Variants in BRSK2 observed in about 807,000 individuals in gnomAD.
BRSK2 encodes the protein serine/threonine-protein kinase BRSK2.
Under a neutral mutation model 83.3 loss-of-function variants are expected in BRSK2, and 19 were observed. The ratio of observed to expected loss-of-function variants is 0.23; its 90% CI spans 0.16 to 0.33. The LOEUF (loss-of-function observed/expected upper bound fraction) is 0.33, where lower values mean the gene tolerates loss of function less well. BRSK2 is among the 10% of genes least tolerant of loss of function. The pLI, the probability that BRSK2 is intolerant of heterozygous loss-of-function variation, is 1.00. For synonymous variants in BRSK2, 519 were observed against 435.4 expected, an observed-to-expected ratio of 1.19 and a Z score of -2.39; for missense variants, 798 against 1,042.3, an observed-to-expected ratio of 0.77 and a Z score of 3.23.
intron 1 of BRSK2, chr11:1,411,159 G>C: frequency 8.2e-7 from 1 of 1,226,306 alleles, no homozygotes; most frequent in Non-Finnish European, 1.0e-6. Context: ...TCCAGTCTCA[G>C]GCTGGCTAGT....
In BRSK2 at chr11:1,390,599, ACGCGG is replaced by A. The variant is rs973640958; in HGVS notation, c.91+235_91+239del. ...GGTCGGCCGGGCGCGGCCCAAGGAC[ACGCGG>A]CGCGGCGCGGGGCGCGCAGGCGGAC... On this transcript the variant is annotated intron_variant, in intron 1 of 19. Coordinates refer to ENST00000528841, the MANE Select transcript of BRSK2 (RefSeq NM_001256627.2). The surrounding 1 kb of genome is among the most constrained non-coding windows in gnomAD (Gnocchi z 6.8). Among the ~76,000 whole-genome samples, 1 of 139,192 alleles carries A rather than the reference ACGCGG, an allele frequency of 7.2e-6. No individual in the cohort carries two copies. The highest frequency in any genetic ancestry group is 2.5e-5 in the African/African-American group (1 of 39,350). The allele number at this position is 139,192 out of a possible 152,430, so 91.3% of individuals were successfully genotyped here. A position where few individuals can be genotyped will look rare whatever the true frequency, so the allele number is the denominator to read the frequency against.
chr11:1,428,610 G>A (rs1849521987), intron 1 of BRSK2, among the ~76,000 whole-genome samples: 1 of 152,202 alleles, frequency 6.6e-6, no homozygotes, highest in Non-Finnish European at 1.5e-5. Context: ...CCAGGTGGTT[G>A]TCAGGCTCCC....
intron 14 of BRSK2, among the ~76,000 whole-genome samples, chr11:1,451,134 A>G (rs1381547787): frequency 6.6e-6 from 1 of 152,154 alleles, no homozygotes; most frequent in Non-Finnish European, 1.5e-5. Context: ...GCTGCTGGAG[A>G]AGGCACAGCC....
intron 16 of BRSK2, among the ~76,000 whole-genome samples, chr11:1,455,669 C>A (rs866957965): frequency 6.6e-6 from 1 of 152,204 alleles, no homozygotes. Context: ...TCCCCACAGG[C>A]TGCTCACTTC....
At position 1,395,071 on chromosome 11, in the gene BRSK2, C is replaced by T. The variant is rs529458813; in HGVS notation, c.91+4696C>T. Among the ~76,000 whole-genome samples the T allele has an allele frequency of 2.0e-5, 3 of 152,296 alleles. No homozygotes were observed. The East Asian group carries it at 5.8e-4, about 29-fold the overall frequency. ...AGACAGGACCCGGCAGCCTCCCCAG[C>T]CATGAAGGTGAAGGTGGACTCAGCG... On this transcript the variant is annotated intron_variant, in intron 1 of 19. Coordinates refer to ENST00000528841, the MANE Select transcript of BRSK2 (RefSeq NM_001256627.2).
At chr11:1,425,057 C>T (rs748357966) in intron 1 of BRSK2, among the ~76,000 whole-genome samples, 26 of 152,360 alleles carry the variant, frequency 1.7e-4, no homozygotes, top group Admixed American at 4.6e-4. Context: ...TCCTGCCAGG[C>T]GTGGGGACTC....
intron 1 of BRSK2, among the ~76,000 whole-genome samples, chr11:1,425,079 C>A (rs977081456): frequency 1.2e-4 from 19 of 152,264 alleles, no homozygotes; most frequent in Non-Finnish European, 2.4e-4. Flanking sequence ...GACCCTGGTC[C>A]TGAGTGCTGC....
At chr11:1,398,012 G>A (rs552978367) in intron 1 of BRSK2, among the ~76,000 whole-genome samples, 119 of 152,326 alleles carry the variant, frequency 7.8e-4, no homozygotes, top group African/African-American at 2.5e-3. Flanking sequence ...GCGCCTGGAC[G>A]GCTGCCTGCA....
intron 15 of BRSK2, among the ~76,000 whole-genome samples, chr11:1,453,541 C>T (rs151091133): frequency 0.012 from 1,853 of 152,292 alleles, 42 homozygotes; most frequent in African/African-American, 0.043. Flanking sequence ...AGACAGCCGC[C>T]GAGACCGGCA....
At chr11:1,414,099 G>A (rs4963078) in intron 1 of BRSK2, among the ~76,000 whole-genome samples, 107,554 of 152,234 alleles carry the variant, frequency 0.71, 38,558 homozygotes, top group Non-Finnish European at 0.76. Flanking sequence ...GGAAGAGTTT[G>A]CCTTCAAACA....
rs1040794590 is a variant in BRSK2 at position 1,460,888 on chromosome 11, C to G, written c.*165C>G. The G allele has an allele frequency of 6.3e-7, 1 of 1,599,686 alleles. No individual in the cohort carries two copies. The highest frequency in any genetic ancestry group is 1.3e-5 in the African/African-American group (1 of 74,674). On this transcript the variant is annotated 3_prime_UTR_variant, in exon 20 of 20. Coordinates refer to ENST00000528841, the MANE Select transcript of BRSK2 (RefSeq NM_001256627.2). ...CGTTGGGGCCGGCCTGTGGGCTGCG[C>G]CACCCGCGCCCGCTCTCTTTTCTCT...
chr11:1,404,388 G>T (rs1227823858), intron 1 of BRSK2, among the ~76,000 whole-genome samples: 1 of 152,194 alleles, frequency 6.6e-6, no homozygotes, highest in Non-Finnish European at 1.5e-5. Context: ...GTCCCAGCCA[G>T]CCCTCCGCCT....
In BRSK2 at chr11:1,460,033, T is replaced by A. The variant is rs557986179; in HGVS notation, c.1988-467T>A. Among the ~76,000 whole-genome samples the A allele has an allele frequency of 7.2e-5, 11 of 151,918 alleles. No homozygotes were observed. The South Asian group carries it at 2.3e-3, about 32-fold the overall frequency. ...TCAGAGCTCCCAGCAGGCCCTTGTC[T>A]TTACGCTGTCATCTCCGGCGTTGGG... On this transcript the variant is annotated intron_variant, in intron 19 of 19. Coordinates refer to ENST00000528841, the MANE Select transcript of BRSK2 (RefSeq NM_001256627.2).
chr11:1,449,000 G>A (rs1363794124), intron 12 of BRSK2, among the ~76,000 whole-genome samples: 80 of 152,318 alleles, frequency 5.3e-4, no homozygotes, highest in Non-Finnish European at 1.8e-4. Context: ...CGGCTGCCTC[G>A]GCCCCTCCCT....
chr11:1,451,188 G>C (rs1189229578), intron 14 of BRSK2, among the ~76,000 whole-genome samples, 183 bp from the exon 15 acceptor site: 1 of 152,182 alleles, frequency 6.6e-6, no homozygotes, highest in Admixed American at 6.5e-5. Context: ...TAGCCTGGGG[G>C]GCGCCACTGC....
At chr11:1,450,853 G>A (rs1845734194) in intron 14 of BRSK2, 59 bp downstream of exon 14, 1 of 1,480,180 alleles carries the variant, frequency 6.8e-7, no homozygotes, top group East Asian at 2.5e-5. Context: ...GCTGCCTTGG[G>A]GAGGGCCCCG....
chr11:1,392,068 G>A lies in BRSK2; in HGVS notation c.91+1693G>A, dbSNP rs141958184. Among the ~76,000 whole-genome samples the A allele has an allele frequency of 1.7e-3, 258 of 152,368 alleles. 2 individuals carry two copies. Among genetic ancestry groups the A allele is most frequent in the African/African-American group, 5.9e-3 (244 of 41,590 alleles). On this transcript the variant is annotated intron_variant, in intron 1 of 19. Transcript: ENST00000528841. ...CCTCTCTCCCGAGTTATGACGGGCA[G>A]AGCGCAAGCGTGTCACCGGGAGGGC... is the stretch of plus-strand genomic sequence containing the variant.
chr11:1,452,953 T>A (rs1372840760), intron 15 of BRSK2, among the ~76,000 whole-genome samples: 4 of 152,214 alleles, frequency 2.6e-5, no homozygotes, highest in African/African-American at 9.6e-5. Context: ...GGGAGGCAGC[T>A]GGCTTCAGGA....
intron 8 of BRSK2, 66 bp from the exon 9 acceptor site, chr11:1,444,905 C>T (rs1851809897): frequency 1.3e-6 from 2 of 1,502,324 alleles, no homozygotes; most frequent in Admixed American, 1.7e-5. Flanking sequence ...CCTTCCCCCT[C>T]ACCTCCTAAT....
Sources: gnomAD v4.1 joint callset for allele counts (sites outside exome capture counted in the v4.1 genomes callset) on GRCh38, gnomAD v4.1.1 for gene constraint, Gnocchi (gnomAD v3.1) non-coding constraint, MANE v1.5 for transcripts, NCBI Gene and HGNC (gene_info 2026-07-23, HGNC 2026-07-21) for gene names.